Variants in KIF6 observed in about 807,000 individuals in gnomAD.
KIF6 encodes the protein kinesin family member 6, also known as kinesin-like protein KIF6.
KIF6 carries 106 observed loss-of-function variants against 112.7 expected under a neutral mutation model. That is an observed-to-expected ratio of 0.94 (90% CI 0.80 to 1.11). KIF6 has a LOEUF of 1.11. KIF6 is among the 50% of genes least tolerant of loss of function. The pLI, the probability that KIF6 is intolerant of heterozygous loss-of-function variation, is 0.00. For missense variants in KIF6, 929 were observed against 964.0 expected (o/e 0.96, Z 0.48); for synonymous variants, 339 against 339.9 (o/e 1.00, Z 0.03).
chr6:39,542,769 G>A (rs1469572714), intron 12 of KIF6, among the ~76,000 whole-genome samples: 1 of 152,110 alleles, frequency 6.6e-6, no homozygotes, highest in African/African-American at 2.4e-5. Context: ...AGCACTTATG[G>A]GCTTTTCTCA....
intron 13 of KIF6, 139 bp from the exon 14 acceptor site, chr6:39,431,300 C>T: frequency 1.7e-6 from 1 of 594,492 alleles, no homozygotes; most frequent in Non-Finnish European, 3.0e-6. Context: ...ACAGGTGGCC[C>T]CAGGCTCTTC....
chr6:39,491,170 G>C (rs1336212658), intron 13 of KIF6, among the ~76,000 whole-genome samples: 1 of 152,108 alleles, frequency 6.6e-6, no homozygotes, highest in South Asian at 2.1e-4. Flanking sequence ...TAGTTCCTAG[G>C]TGTGGCTCCT....
intron 13 of KIF6, among the ~76,000 whole-genome samples, 200 bp downstream of exon 13, chr6:39,539,803 T>C (rs1207469781): frequency 6.6e-6 from 1 of 152,220 alleles, no homozygotes; most frequent in East Asian, 1.9e-4. Context: ...AATGCTGAAT[T>C]CTGAGAAAAT....
chr6:39,388,481 G>A (rs1360582367), intron 15 of KIF6, among the ~76,000 whole-genome samples: 1 of 152,072 alleles, frequency 6.6e-6, no homozygotes, highest in African/African-American at 2.4e-5. Flanking sequence ...TTACAATGCC[G>A]CTAGTGATAC....
At chr6:39,489,963 C>A (rs1299856760) in intron 13 of KIF6, among the ~76,000 whole-genome samples, 1 of 152,124 alleles carries the variant, frequency 6.6e-6, no homozygotes, top group Non-Finnish European at 1.5e-5. Flanking sequence ...CTAAATTTCA[C>A]CCTTGGATAT....
intron 22 of KIF6, 113 bp from the exon 23 acceptor site, chr6:39,336,661 A>G: frequency 1.1e-6 from 1 of 906,254 alleles, no homozygotes; most frequent in Non-Finnish European, 1.8e-6. Flanking sequence ...GGTCTTGGGC[A>G]CTGCATCTGT....
At chr6:39,374,039 A>G (rs1766239160) in intron 16 of KIF6, among the ~76,000 whole-genome samples, 1 of 152,218 alleles carries the variant, frequency 6.6e-6, no homozygotes, top group East Asian at 1.9e-4. Context: ...ACATTGACCA[A>G]TGCAACAGGA....
chr6:39,547,476 T>A (rs1164967180), intron 10 of KIF6, among the ~76,000 whole-genome samples: 1 of 151,992 alleles, frequency 6.6e-6, no homozygotes, highest in African/African-American at 2.4e-5. Context: ...TGAAAACACA[T>A]GTTTATGAAC....
chr6:39,606,058 A>T (rs1350405269), intron 6 of KIF6, among the ~76,000 whole-genome samples: 1 of 151,794 alleles, frequency 6.6e-6, no homozygotes, highest in Non-Finnish European at 1.5e-5. Context: ...CTTTCTAGAT[A>T]CACCTTCTCT....
At position 39,567,671 on chromosome 6, in the gene KIF6, T is replaced by G. The variant is rs186506108; in HGVS notation, c.1181+10385A>C. ...CGCCCAGGCTGGAGTGCAGTGGCGC[T>G]ATCTCGGCTCACTCCAAGCTCCGCC... On this transcript the variant is annotated intron_variant, in intron 10 of 22. Coordinates refer to ENST00000287152, the MANE Select transcript of KIF6 (RefSeq NM_145027.6). Among the ~76,000 whole-genome samples the G allele has an allele frequency of 5.0e-3, 762 of 151,414 alleles. 40 individuals carry two copies. The East Asian group carries it at 0.13, about 25-fold the overall frequency.
chr6:39,427,470 A>G (rs1413326462), intron 14 of KIF6, among the ~76,000 whole-genome samples: 1 of 152,190 alleles, frequency 6.6e-6, no homozygotes, highest in South Asian at 2.1e-4. Context: ...ACTCTCCATC[A>G]ATGCAAATAA....
At chr6:39,559,735 A>G (rs1351809444) in intron 10 of KIF6, among the ~76,000 whole-genome samples, 1 of 152,162 alleles carries the variant, frequency 6.6e-6, no homozygotes, top group Non-Finnish European at 1.5e-5. Context: ...TGTTGGTTAT[A>G]TAAAGATGAA....
intron 13 of KIF6, among the ~76,000 whole-genome samples, chr6:39,477,414 T>C (rs1019516731): frequency 6.6e-6 from 1 of 152,228 alleles, no homozygotes; most frequent in Admixed American, 6.5e-5. Flanking sequence ...GGGCAAGTTA[T>C]GTGTTGCAGC....
chr6:39,345,682 CAGG>C lies in KIF6; in HGVS notation c.2321+15_2321+17del, dbSNP rs771823834. 1 of 1,606,544 alleles carries C rather than the reference CAGG, an allele frequency of 6.2e-7. No individual in the cohort carries two copies. Among genetic ancestry groups the C allele is most frequent in the East Asian group, 2.2e-5 (1 of 44,794 alleles). On this transcript the variant is annotated intron_variant, in intron 21 of 22. Coordinates refer to ENST00000287152, the MANE Select transcript of KIF6 (RefSeq NM_145027.6). ...ACTGCAGGGGCTGTCACAGGCATAA[CAGG>C]AGAAGACCACAGACCTGTCTTCCAG... is the stretch of plus-strand genomic sequence containing the variant.
intron 13 of KIF6, among the ~76,000 whole-genome samples, chr6:39,501,181 G>C (rs1301426325): frequency 6.6e-6 from 1 of 152,114 alleles, no homozygotes; most frequent in Non-Finnish European, 1.5e-5. Flanking sequence ...GATACCTCCA[G>C]GTATGGGAAG....
At position 39,613,216 on chromosome 6, in the gene KIF6, TA is replaced by T. The variant is rs777890702; in HGVS notation, c.611del (p.Leu204Ter). ...CTGCAATCATTCGGTTGGTGTCTCC[TA>T]AAAAAAGCAAATTCAGAGCTTCTTC... ...TEEEALNLLF[L>X]GDTNRMIAET... On this transcript the variant is annotated frameshift_variant, in exon 6 of 23. Coordinates refer to ENST00000287152, the MANE Select transcript of KIF6 (RefSeq NM_145027.6). LOFTEE classifies it high-confidence loss of function. 8 of 1,601,796 alleles carry T rather than the reference TA, an allele frequency of 5.0e-6. No individual in the cohort carries two copies. The highest frequency in any genetic ancestry group is 3.4e-5 in the South Asian group (3 of 88,804).
At chr6:39,550,865 A>G (rs1204064635) in intron 10 of KIF6, among the ~76,000 whole-genome samples, 13 of 152,232 alleles carry the variant, frequency 8.5e-5, no homozygotes. Context: ...GCTACATATT[A>G]CCTGAGCAAA....
At chr6:39,347,407 ATGTGCGCC>A (rs1474777077) in intron 19 of KIF6, among the ~76,000 whole-genome samples, 5 of 152,216 alleles carry the variant, frequency 3.3e-5, no homozygotes, top group Non-Finnish European at 4.4e-5. Flanking sequence ...GGCTGCTGAC[ATGTGCGCC>A]TTGCCTTGGA....
chr6:39,426,406 C>T (rs931001258), intron 14 of KIF6, among the ~76,000 whole-genome samples: 18 of 152,246 alleles, frequency 1.2e-4, no homozygotes, highest in African/African-American at 3.9e-4. Context: ...AGAAATTCCC[C>T]GTGAGAGCAG....
Sources: gnomAD v4.1 joint callset for allele counts (sites outside exome capture counted in the v4.1 genomes callset) on GRCh38, gnomAD v4.1.1 for gene constraint, MANE v1.5 for transcripts, NCBI Gene and HGNC (gene_info 2026-07-23, HGNC 2026-07-21) for gene names.